Variants in ANAPC1 observed in about 807,000 individuals in gnomAD.
ANAPC1 encodes anaphase promoting complex subunit 1.
ANAPC1 carries 36 observed loss-of-function variants against 208.0 expected under a neutral mutation model. The observed-to-expected ratio is 0.17, with a 90% CI of 0.13 to 0.23. The LOEUF (loss-of-function observed/expected upper bound fraction) is 0.23. Ranked by LOEUF, ANAPC1 falls within the 10% of genes least tolerant of loss-of-function variation. The pLI is 1.00. For missense variants in ANAPC1, 942 were observed against 2,011.6 expected, an observed-to-expected ratio of 0.47 and a Z score of 10.17; for synonymous variants, 378 against 695.2, an observed-to-expected ratio of 0.54 and a Z score of 7.18.
At chr2:111,827,802 G>A (rs913345580) in intron 21 of ANAPC1, among the ~76,000 whole-genome samples, 4 of 151,996 alleles carry the variant, frequency 2.6e-5, no homozygotes, top group African/African-American at 9.7e-5. Flanking sequence ...AACTTATAAT[G>A]AGGAAACCAA....
At chr2:111,836,495 A>G (rs1680475011) in intron 18 of ANAPC1, among the ~76,000 whole-genome samples, 1 of 150,726 alleles carries the variant, frequency 6.6e-6, no homozygotes, top group Non-Finnish European at 1.5e-5. Flanking sequence ...AAAAAATTTA[A>G]AAATTAGCCA....
At chr2:111,876,748 C>A (rs1683043585) in intron 3 of ANAPC1, among the ~76,000 whole-genome samples, 1 of 152,122 alleles carries the variant, frequency 6.6e-6, no homozygotes, top group Non-Finnish European at 1.5e-5. Context: ...CAGTACTCAT[C>A]AGGAAATAGT....
intron 26 of ANAPC1, among the ~76,000 whole-genome samples, chr2:111,819,727 T>A (rs1679416720): frequency 6.6e-6 from 1 of 151,834 alleles, no homozygotes; most frequent in Admixed American, 6.6e-5. Context: ...ACAAGCTATA[T>A]CTGAAGACAC....
chr2:111,849,452 A>G (rs1681273610), intron 14 of ANAPC1, among the ~76,000 whole-genome samples: 1 of 152,244 alleles, frequency 6.6e-6, no homozygotes, highest in African/African-American at 2.4e-5. Flanking sequence ...GTTTAAAAAT[A>G]TAATGAAGAC....
intron 5 of ANAPC1, 42 bp from the exon 6 acceptor site, chr2:111,872,754 C>A (rs1191547135): frequency 2.5e-5 from 32 of 1,261,704 alleles, no homozygotes; most frequent in Non-Finnish European, 3.5e-5. Context: ...GTAAGAGAAC[C>A]TACCCCTTTA....
Position 111,843,598 on chromosome 2 carries a change from T to C in ANAPC1, c.1854A>G (p.Val618=), listed in dbSNP as rs571527310. ...TIPEIATSEL[V]QTCLQAIKFI... ...ACTTAATTGCTTGCAAACACGTTTG[T>C]ACTATTAAAAGCAAAGATTAATTTT... Residue 618 remains valine, a splice_region_variant and synonymous_variant, in exon 17 of 48, where the codon GTA becomes GTG. Coordinates refer to ENST00000341068, the MANE Select transcript of ANAPC1 (RefSeq NM_022662.4). The C allele has an allele frequency of 6.8e-6, 11 of 1,607,448 alleles. No homozygotes were observed. The East Asian group carries it at 2.2e-4, about 33-fold the overall frequency.
chr2:111,855,685 T>C (rs1425065915), intron 13 of ANAPC1, among the ~76,000 whole-genome samples: 6 of 152,068 alleles, frequency 3.9e-5, no homozygotes, highest in Non-Finnish European at 7.3e-5. Flanking sequence ...GATACATACA[T>C]AACTGTAAAA....
In ANAPC1 at chr2:111,850,798, T is replaced by A. The variant is rs371874916; in HGVS notation, c.1628A>T (p.Lys543Ile). The A allele has an allele frequency of 6.2e-7, 1 of 1,611,922 alleles. No homozygotes were observed. Among genetic ancestry groups the A allele is most frequent in the Non-Finnish European group, 8.5e-7 (1 of 1,179,846 alleles). Residue 543 changes from lysine to isoleucine, a missense_variant, in exon 14 of 48, where the codon AAA (lysine) becomes ATA (isoleucine). Physicochemically the swap from Lys to Ile is moderately radical, Grantham distance 102 (BLOSUM62 -3). Coordinates refer to ENST00000341068, the MANE Select transcript of ANAPC1 (RefSeq NM_022662.4). ...DGVSTPKPLS[K>I]LLGSLDEVVL... ...TACCTCGTCCAATGATCCAAGGAGT[T>A]TACTAAGAGGCTTTGGAGTACTAAC...
At chr2:111,790,429 C>A (rs1303757724) in intron 38 of ANAPC1, among the ~76,000 whole-genome samples, 1 of 152,074 alleles carries the variant, frequency 6.6e-6, no homozygotes, top group African/African-American at 2.4e-5. Context: ...AAAAACAGAC[C>A]AGCAAAACCT....
At chr2:111,869,001 G>A (rs1178368031) in intron 6 of ANAPC1, among the ~76,000 whole-genome samples, 1 of 152,148 alleles carries the variant, frequency 6.6e-6, no homozygotes, top group Non-Finnish European at 1.5e-5. Context: ...CCTTCGGTGT[G>A]CTCATAATTC....
chr2:111,837,392 T>C lies in ANAPC1; in HGVS notation c.2115+1046A>G, dbSNP rs1407971217. Among the ~76,000 whole-genome samples the C allele has an allele frequency of 7.9e-5, 12 of 152,142 alleles. No homozygotes were observed. In the East Asian group the frequency reaches 1.8e-3, roughly 22 times the overall value. On this transcript the variant is annotated intron_variant, in intron 18 of 47. Transcript: ENST00000341068. ...ATCCCAGAACTTTGGGAGGCCGAGG[T>C]GGGCAGATCACGAGGTCACGAGTTC...
At chr2:111,847,321 A>T (rs1001410730) in intron 15 of ANAPC1, 123 bp from the exon 16 acceptor site, 14 of 655,748 alleles carry the variant, frequency 2.1e-5, no homozygotes, top group African/African-American at 2.0e-4. Context: ...AACAATTTTC[A>T]AACAGAAATG....
At position 111,825,840 on chromosome 2, in the gene ANAPC1, T is replaced by C. The variant is rs1462541410; in HGVS notation, c.2641A>G (p.Ile881Val). 6.2e-7 allele frequency: 1 copy of C among 1,613,560 alleles called. No homozygotes were observed. Among genetic ancestry groups the C allele is most frequent in the African/African-American group, 1.3e-5 (1 of 74,930 alleles). Residue 881 changes from isoleucine to valine, a missense_variant, in exon 22 of 48, where the codon ATA (isoleucine) becomes GTA (valine). Physicochemically the swap from Ile to Val is conservative, Grantham distance 29 (BLOSUM62 3). Coordinates refer to ENST00000341068, the MANE Select transcript of ANAPC1 (RefSeq NM_022662.4). ...GAAACCAAGCTCTCATCACCAAGTA[T>C]GTACAGTGCAATACTCTGCAAAGGA... is the stretch of plus-strand genomic sequence containing the variant. ...RLVVLSIALY[I>V]LGDESLVSDE...
intron 29 of ANAPC1, among the ~76,000 whole-genome samples, chr2:111,807,669 G>A (rs1429265040): frequency 6.6e-6 from 1 of 151,456 alleles, no homozygotes; most frequent in Non-Finnish European, 1.5e-5. Flanking sequence ...TCCAGGCTGG[G>A]CAACAGAGCA....
intron 19 of ANAPC1, 152 bp from the exon 20 acceptor site, chr2:111,833,463 T>C (rs1193571624): frequency 2.3e-6 from 3 of 1,327,390 alleles, no homozygotes; most frequent in East Asian, 2.6e-5. Flanking sequence ...TTTTGGACTT[T>C]AAAGTGCCCA....
chr2:111,850,284 C>A (rs1162849429), intron 14 of ANAPC1, among the ~76,000 whole-genome samples: 1 of 151,344 alleles, frequency 6.6e-6, no homozygotes, highest in Non-Finnish European at 1.5e-5. Context: ...CCTGCCTGTG[C>A]CTGTGTGGTT....
At chr2:111,848,973 G>A (rs188016109) in intron 14 of ANAPC1, among the ~76,000 whole-genome samples, 8 of 152,218 alleles carry the variant, frequency 5.3e-5, no homozygotes, top group African/African-American at 1.9e-4. Context: ...AAATTTAAAC[G>A]ATCTTAGTTA....
chr2:111,850,042 CAATA>C (rs1681303090), intron 14 of ANAPC1, among the ~76,000 whole-genome samples: 1 of 152,136 alleles, frequency 6.6e-6, no homozygotes, highest in Non-Finnish European at 1.5e-5. Context: ...ACTATCTTCT[CAATA>C]AAGCTATTCT....
chr2:111,827,017 C>T (rs1305330873), intron 21 of ANAPC1, among the ~76,000 whole-genome samples: 3 of 141,062 alleles, frequency 2.1e-5, no homozygotes, highest in Non-Finnish European at 1.5e-5. Flanking sequence ...TAAGTAAATA[C>T]GAAAGTGTAT....
Sources: gnomAD v4.1 joint callset for allele counts (sites outside exome capture counted in the v4.1 genomes callset) on GRCh38, gnomAD v4.1.1 for gene constraint, MANE v1.5 for transcripts, NCBI Gene and HGNC (gene_info 2026-07-23, HGNC 2026-07-21) for gene names.